GLIS3: variants seen among roughly 807,000 people sequenced by gnomAD.
The protein encoded by GLIS3 is zinc finger protein GLIS3.
A neutral mutation model predicts 78.6 loss-of-function variants in GLIS3; 53 were observed. The observed-to-expected ratio is 0.67, with a 90% CI of 0.54 to 0.85. GLIS3 has a LOEUF of 0.85. Ranked by LOEUF, GLIS3 falls within the 40% of genes least tolerant of loss-of-function variation. The pLI is 0.00. For missense variants in GLIS3, 1,703 were observed against 1,231.1 expected (o/e 1.38, Z -5.74); for synonymous variants, 684 against 509.9 (o/e 1.34, Z -4.60).
At chr9:3,845,480 G>A (rs138238897) in intron 9 of GLIS3, among the ~76,000 whole-genome samples, 219 of 152,216 alleles carry the variant, frequency 1.4e-3, no homozygotes, top group Middle Eastern at 3.4e-3. Context: ...CAAACATAAG[G>A]CTGGGAGGGG....
chr9:4,045,882 T>C (rs1288542963), intron 4 of GLIS3, among the ~76,000 whole-genome samples: 5 of 152,148 alleles, frequency 3.3e-5, no homozygotes, highest in Admixed American at 1.3e-4. Context: ...GCAAATGTCA[T>C]TCATACTTTT....
intron 1 of GLIS3, among the ~76,000 whole-genome samples, chr9:4,289,184 G>T (rs1386346440): frequency 1.3e-5 from 2 of 152,060 alleles, no homozygotes; most frequent in Non-Finnish European, 2.9e-5. Context: ...AACTTTTCTG[G>T]ACTTACAGTT....
At chr9:3,856,288 A>G in intron 8 of GLIS3, 104 bp from the exon 9 acceptor site, 1 of 1,022,840 alleles carries the variant, frequency 9.8e-7, no homozygotes, top group Non-Finnish European at 1.5e-6. Context: ...GCTATACAAG[A>G]GCGTGACAAC....
intron 6 of GLIS3, among the ~76,000 whole-genome samples, chr9:3,924,745 G>A (rs1825113483): frequency 2.0e-5 from 3 of 152,224 alleles, no homozygotes; most frequent in Admixed American, 2.0e-4. Context: ...TGGAGAGGGA[G>A]TGCCTGAGAA....
chr9:4,301,195 C>A (rs1817056997), upstream of GLIS3, among the ~76,000 whole-genome samples: 2 of 152,116 alleles, frequency 1.3e-5, no homozygotes, highest in Non-Finnish European at 2.9e-5. Flanking sequence ...TTTTTCTTTT[C>A]TTTTCCTTCA....
chr9:4,206,639 G>A (rs1278399693), intron 2 of GLIS3, among the ~76,000 whole-genome samples: 2 of 152,202 alleles, frequency 1.3e-5, no homozygotes, highest in African/African-American at 4.8e-5. Context: ...AAGAACTCTA[G>A]GCCTCACACC....
Position 4,071,071 on chromosome 9 carries a change from C to T in GLIS3, c.1710+46697G>A, listed in dbSNP as rs578255213. The T allele has an allele frequency of 4.6e-5, 7 of 152,246 alleles. 1 individual carries two copies. The East Asian group carries it at 1.2e-3, about 25-fold the overall frequency. The allele number at this position is 152,246 out of a possible 1,614,324, so 9.4% of individuals were successfully genotyped here. On this transcript the variant is annotated intron_variant, in intron 4 of 10. Transcript: ENST00000381971. ...TGTTATGCAAAAAGATCTGTAAGAT[C>T]TTTCAGTTTGAACTAATACACTAGA...
chr9:4,338,669 A>T (rs1817790774), intron 2 of GLIS3, among the ~76,000 whole-genome samples: 1 of 152,186 alleles, frequency 6.6e-6, no homozygotes, highest in Non-Finnish European at 1.5e-5. Context: ...CAGGGAGAAA[A>T]AGGAACTGGG....
At chr9:4,448,824 T>A in the GLIS3 span, among the ~76,000 whole-genome samples, 2 of 152,082 alleles carry the variant, frequency 1.3e-5, no homozygotes, top group Non-Finnish European at 2.9e-5. Flanking sequence ...TTTGTTTGCT[T>A]AAAAAAAGAA....
chr9:4,201,326 C>G (rs529164359), intron 2 of GLIS3, among the ~76,000 whole-genome samples: 2 of 152,046 alleles, frequency 1.3e-5, no homozygotes, highest in Non-Finnish European at 2.9e-5. Context: ...ACTGGAAGTC[C>G]TTACCAAACC....
intron 4 of GLIS3, among the ~76,000 whole-genome samples, chr9:4,061,452 C>G (rs1826650116): frequency 6.6e-6 from 1 of 152,000 alleles, no homozygotes; most frequent in Admixed American, 6.6e-5. Context: ...TTTTCTTAAT[C>G]CAGTCTATCA....
At chr9:3,844,983 C>T (rs1465429647) in intron 9 of GLIS3, among the ~76,000 whole-genome samples, 12 of 152,210 alleles carry the variant, frequency 7.9e-5, no homozygotes, top group Non-Finnish European at 4.4e-5. Context: ...GTGTCAATAC[C>T]TATCCAACTT....
At chr9:4,455,859 T>C in the GLIS3 span, among the ~76,000 whole-genome samples, 5 of 152,086 alleles carry the variant, frequency 3.3e-5, no homozygotes, top group African/African-American at 1.2e-4. Context: ...ACACCTGTAA[T>C]CCTCACACTT....
chr9:3,873,987 T>C (rs1214447326), intron 8 of GLIS3, among the ~76,000 whole-genome samples: 1 of 152,050 alleles, frequency 6.6e-6, no homozygotes, highest in East Asian at 1.9e-4. Flanking sequence ...TATTATGAAA[T>C]ATATATTTGG....
intron 2 of GLIS3, among the ~76,000 whole-genome samples, chr9:4,189,491 C>A (rs1253632779): frequency 6.6e-6 from 1 of 152,142 alleles, no homozygotes; most frequent in Non-Finnish European, 1.5e-5. Flanking sequence ...GTGCAGAGTT[C>A]TGTAGATGTC....
intron 4 of GLIS3, among the ~76,000 whole-genome samples, chr9:4,069,413 G>C (rs940202120): frequency 5.3e-5 from 8 of 152,194 alleles, no homozygotes; most frequent in Non-Finnish European, 1.0e-4. Flanking sequence ...CAAGATTGGA[G>C]ATAAGATACC....
intron 2 of GLIS3, among the ~76,000 whole-genome samples, chr9:4,163,235 T>G (rs1403919443): frequency 1.4e-5 from 2 of 141,018 alleles, no homozygotes; most frequent in Non-Finnish European, 3.1e-5. Flanking sequence ...TGTGCACGCA[T>G]GTGCACTGGC....
chr9:4,435,742 G>T, the GLIS3 span, among the ~76,000 whole-genome samples: 1 of 152,228 alleles, frequency 6.6e-6, no homozygotes, highest in Non-Finnish European at 1.5e-5. Flanking sequence ...GAGGTCAGGA[G>T]ATGGAGACCA....
At chr9:4,089,345 C>CA (rs577442747) in intron 4 of GLIS3, among the ~76,000 whole-genome samples, 19,452 of 151,934 alleles carry the variant, frequency 0.13, 1,337 homozygotes, top group African/African-American at 0.14. Flanking sequence ...GAGTGGATAA[C>CA]ATTTTTTTTT....
Sources: gnomAD v4.1 joint callset for allele counts (sites outside exome capture counted in the v4.1 genomes callset) on GRCh38, gnomAD v4.1.1 for gene constraint, MANE v1.5 for transcripts, NCBI Gene and HGNC (gene_info 2026-07-23, HGNC 2026-07-21) for gene names.